WDR62: variants seen among roughly 807,000 people sequenced by gnomAD.
WDR62 encodes WD repeat-containing protein 62.
Under a neutral mutation model 160.6 loss-of-function variants are expected in WDR62, and 112 were observed. The observed-to-expected ratio is 0.70, with a 90% CI of 0.60 to 0.82. The LOEUF (loss-of-function observed/expected upper bound fraction) is 0.82, where lower values mean the gene tolerates loss of function less well. WDR62 is among the 40% of genes least tolerant of loss of function. The pLI is 0.00. For missense variants in WDR62, 1,819 were observed against 1,983.8 expected (o/e 0.92, Z 1.58); for synonymous variants, 792 against 815.1 (o/e 0.97, Z 0.48).
At chr19:36,081,159 G>A (rs572447577) in intron 9 of WDR62, among the ~76,000 whole-genome samples, 13 of 152,060 alleles carry the variant, frequency 8.5e-5, no homozygotes, top group South Asian at 4.2e-4. Context: ...ATGGTACCTC[G>A]TTTTCTTTTG....
At chr19:36,105,781 C>G (rs1568376098), downstream of WDR62, among the ~76,000 whole-genome samples, 1 of 152,100 alleles carries the variant, frequency 6.6e-6, no homozygotes, top group Admixed American at 6.5e-5. Flanking sequence ...TCACTGCAAC[C>G]TCCGCCTCCC....
At chr19:36,077,033 T>C (rs896198509) in intron 9 of WDR62, among the ~76,000 whole-genome samples, 3 of 152,120 alleles carry the variant, frequency 2.0e-5, no homozygotes, top group African/African-American at 7.2e-5. Flanking sequence ...CCATTTCAAC[T>C]ATTTTAAATT....
Position 36,076,263 on chromosome 19 carries a change from GT to G in WDR62, c.1233+2743del, listed in dbSNP as rs946744804. ...ATCAACCATTTCTCGAAAAGACCAT[GT>G]TTTTTTTTTTGGGCTGGGTGCAGTG... is the stretch of plus-strand genomic sequence containing the variant. On this transcript the variant is annotated intron_variant, in intron 9 of 31. Coordinates refer to ENST00000401500, the MANE Select transcript of WDR62 (RefSeq NM_001083961.2). 2.1e-4 allele frequency among the ~76,000 whole-genome samples: 30 copies of G among 145,564 alleles called. No individual in the cohort carries two copies. The East Asian group carries it at 2.6e-3, about 13-fold the overall frequency.
At chr19:36,066,550 T>A (rs946486733) in intron 5 of WDR62, 123 bp downstream of exon 5, 3 of 1,079,332 alleles carry the variant, frequency 2.8e-6, no homozygotes, top group Non-Finnish European at 4.1e-6. Flanking sequence ...AGATAACAGC[T>A]ATTGAGCACC....
At chr19:36,096,610 C>T (rs377665443) in intron 20 of WDR62, among the ~76,000 whole-genome samples, 1 of 151,626 alleles carries the variant, frequency 6.6e-6, no homozygotes, top group Non-Finnish European at 1.5e-5. Context: ...ACTTGGGAGG[C>T]TGAGGCAGGA....
At chr19:36,064,975 G>T (rs1241175746) in intron 3 of WDR62, among the ~76,000 whole-genome samples, 1 of 152,182 alleles carries the variant, frequency 6.6e-6, no homozygotes, top group African/African-American at 2.4e-5. Flanking sequence ...TGTCGTGTGC[G>T]TATTTCAGGA....
chr19:36,108,507 T>C (rs1047808054), downstream of WDR62, among the ~76,000 whole-genome samples: 1 of 152,070 alleles, frequency 6.6e-6, no homozygotes, highest in Non-Finnish European at 1.5e-5. Flanking sequence ...AGACACCACC[T>C]GAAACCCCAT....
chr19:36,084,872 G>T, intron 12 of WDR62, 128 bp downstream of exon 12: 1 of 853,656 alleles, frequency 1.2e-6, no homozygotes, highest in Non-Finnish European at 1.9e-6. Context: ...GTTCGGTAAG[G>T]GCCCCTGTAG....
At chr19:36,073,280 A>C in intron 8 of WDR62, 62 bp from the exon 9 acceptor site, 48 of 1,503,938 alleles carry the variant, frequency 3.2e-5, no homozygotes, top group Non-Finnish European at 4.0e-5. Flanking sequence ...CACTGTCACT[A>C]GAGGTGGCTG....
downstream of WDR62, among the ~76,000 whole-genome samples, chr19:36,107,002 C>T (rs866072823): frequency 6.6e-6 from 1 of 152,132 alleles, no homozygotes; most frequent in Non-Finnish European, 1.5e-5. Flanking sequence ...GTTCAGCCCC[C>T]CAGGCCTCGG....
downstream of WDR62, among the ~76,000 whole-genome samples, chr19:36,109,565 C>G (rs1302213813): frequency 1.3e-5 from 2 of 151,228 alleles, no homozygotes; most frequent in Non-Finnish European, 2.9e-5. Context: ...GAAACCCTAT[C>G]TCTACTAAAA....
At chr19:36,107,558 C>CA (rs929614833), downstream of WDR62, among the ~76,000 whole-genome samples, 6 of 151,964 alleles carry the variant, frequency 3.9e-5, no homozygotes, top group African/African-American at 1.4e-4. Context: ...CCCTCTAGGG[C>CA]AGCAGAAAAG....
chr19:36,100,664 TGG>T, intron 22 of WDR62, 82 bp from the exon 23 acceptor site: 2 of 1,584,358 alleles, frequency 1.3e-6, no homozygotes, highest in Non-Finnish European at 1.7e-6. Context: ...CCTCCAGCAG[TGG>T]GGCTGCTGGC....
chr19:36,060,447 AG>A, intron 3 of WDR62: 1 of 206,956 alleles, frequency 4.8e-6, no homozygotes, highest in Non-Finnish European at 1.0e-5. Flanking sequence ...CGCTTCAGGC[AG>A]GGGGCACAGG....
intron 26 of WDR62, 120 bp downstream of exon 26, chr19:36,102,271 G>GT (rs915220960): frequency 1.8e-4 from 258 of 1,446,316 alleles, no homozygotes; most frequent in East Asian, 2.3e-4. Flanking sequence ...CAACTGCTTC[G>GT]TTTTTTTTGA....
chr19:36,089,746 C>T (rs1972476428), intron 15 of WDR62, among the ~76,000 whole-genome samples: 1 of 152,148 alleles, frequency 6.6e-6, no homozygotes, highest in Non-Finnish European at 1.5e-5. Context: ...GCCCGGCCAC[C>T]AGCAGGTATT....
In WDR62 at chr19:36,083,201, G is replaced by A. The variant is rs972775756; in HGVS notation, c.1510G>A (p.Gly504Ser). The stretch of plus-strand genomic sequence containing the variant: ...GCGGGTCATGCAGGTCAGTCCTGAC[G>A]GCCAGCATTTGGCTTCAGGCGACCG... ...GVRVMQVSPD[G>S]QHLASGDRSG... is the part of the protein sequence containing the mutation. The change falls in exon 11 of 32, where the codon GGC (glycine) becomes AGC (serine). Residue 504 changes from glycine to serine, a missense_variant. Transcript: ENST00000401500. 5 of 1,609,810 alleles carry A rather than the reference G, an allele frequency of 3.1e-6. No individual in the cohort carries two copies. The highest frequency in any genetic ancestry group is 3.4e-6 in the Non-Finnish European group (4 of 1,177,894).
chr19:36,074,205 G>A (rs1468568050), intron 9 of WDR62: 1 of 169,920 alleles, frequency 5.9e-6, no homozygotes, highest in Non-Finnish European at 1.3e-5. Context: ...GGTGGAGGCA[G>A]GAAGATCACT....
At chr19:36,068,997 C>G (rs1971107949) in intron 7 of WDR62, among the ~76,000 whole-genome samples, 2 of 151,662 alleles carry the variant, frequency 1.3e-5, no homozygotes, top group Non-Finnish European at 2.9e-5. Flanking sequence ...CCCCCACCTC[C>G]CTCCCTGACG....
Sources: allele counts gnomAD v4.1 joint callset (sites outside exome capture counted in the v4.1 genomes callset), GRCh38; gene constraint gnomAD v4.1.1; transcripts MANE v1.5; gene names NCBI Gene and HGNC (gene_info 2026-07-23, HGNC 2026-07-21).